The following GULP1 variants were observed in gnomAD, a reference collection of about 807,000 sequenced individuals.
GULP1 encodes PTB domain-containing engulfment adapter protein 1.
GULP1 carries 19 observed loss-of-function variants against 40.9 expected under a neutral mutation model. The ratio of observed to expected loss-of-function variants is 0.46; its 90% CI spans 0.32 to 0.68. GULP1 has a LOEUF of 0.68. Ranked by LOEUF, GULP1 falls within the 30% of genes least tolerant of loss-of-function variation. The probability of loss-of-function intolerance (pLI) is 0.03; values close to 1 mark genes in which losing one functional copy is unlikely to be tolerated. For synonymous variants in GULP1, 119 were observed against 117.6 expected (o/e 1.01, Z -0.08); for missense variants, 312 against 362.2 (o/e 0.86, Z 1.12).
chr2:188,495,848 A>G (rs919632155), intron 4 of GULP1, among the ~76,000 whole-genome samples: 18 of 152,166 alleles, frequency 1.2e-4, no homozygotes, highest in South Asian at 2.1e-4. Context: ...ATTACACGGA[A>G]AAAAAAGCTT....
chr2:188,307,363 T>C (rs2037274948), intron 1 of GULP1, among the ~76,000 whole-genome samples: 1 of 152,150 alleles, frequency 6.6e-6, no homozygotes, highest in African/African-American at 2.4e-5. Context: ...TAAAAAGTTA[T>C]ATGTTTTCAG....
At chr2:188,496,385 A>C (rs1424532812) in intron 4 of GULP1, among the ~76,000 whole-genome samples, 1 of 151,986 alleles carries the variant, frequency 6.6e-6, no homozygotes, top group Non-Finnish European at 1.5e-5. Flanking sequence ...GCTCACACAA[A>C]CATTTGGCGA....
At chr2:188,397,415 T>C (rs1378915967) in intron 2 of GULP1, among the ~76,000 whole-genome samples, 1 of 152,214 alleles carries the variant, frequency 6.6e-6, no homozygotes, top group Non-Finnish European at 1.5e-5. Context: ...TGTGGGCTTG[T>C]CTACTATACC....
At chr2:188,526,606 A>G (rs1686216167) in intron 5 of GULP1, among the ~76,000 whole-genome samples, 1 of 152,092 alleles carries the variant, frequency 6.6e-6, no homozygotes, top group African/African-American at 2.4e-5. Flanking sequence ...AGGAAAAAAA[A>G]GAAAGGCAGG....
At chr2:188,305,739 A>G (rs13000379) in intron 1 of GULP1, among the ~76,000 whole-genome samples, 16,685 of 152,202 alleles carry the variant, frequency 0.11, 1,199 homozygotes, top group Middle Eastern at 0.17. Context: ...GGATAGTTAA[A>G]ATGTTAGGTG....
intron 5 of GULP1, among the ~76,000 whole-genome samples, chr2:188,523,535 A>G (rs1475074536): frequency 2.9e-5 from 4 of 138,616 alleles, no homozygotes; most frequent in African/African-American, 1.1e-4. Context: ...TTTATCATAT[A>G]AGAAAATACA....
At chr2:188,313,738 A>G (rs1387901962) in intron 1 of GULP1, among the ~76,000 whole-genome samples, 1 of 152,146 alleles carries the variant, frequency 6.6e-6, no homozygotes, top group Non-Finnish European at 1.5e-5. Flanking sequence ...GATTTTTCCT[A>G]TCCATGAGGA....
At chr2:188,514,928 T>G (rs1480781115) in intron 4 of GULP1, among the ~76,000 whole-genome samples, 1 of 152,224 alleles carries the variant, frequency 6.6e-6, no homozygotes, top group Non-Finnish European at 1.5e-5. Flanking sequence ...GGTATAGATG[T>G]ACCATTGTTT....
At chr2:188,539,019 A>G (rs1359522928) in intron 6 of GULP1, among the ~76,000 whole-genome samples, 3 of 152,032 alleles carry the variant, frequency 2.0e-5, no homozygotes, top group African/African-American at 7.2e-5. Flanking sequence ...TGGATGAATG[A>G]AAATGGAAAG....
At chr2:188,502,055 T>C (rs73042418) in intron 4 of GULP1, among the ~76,000 whole-genome samples, 3,272 of 152,046 alleles carry the variant, frequency 0.022, 108 homozygotes, top group African/African-American at 0.074. Context: ...TTGTTAATGA[T>C]TTGTACTGAC....
intron 7 of GULP1, among the ~76,000 whole-genome samples, chr2:188,558,757 T>C (rs141417332): frequency 1.6e-4 from 25 of 152,274 alleles, no homozygotes; most frequent in Non-Finnish European, 2.8e-4. Flanking sequence ...GAGGAACTTA[T>C]TGGGAACTGA....
At chr2:188,453,934 A>G (rs1226306233) in intron 2 of GULP1, among the ~76,000 whole-genome samples, 1 of 151,884 alleles carries the variant, frequency 6.6e-6, no homozygotes. Context: ...TTTCCACTGC[A>G]CTCTTGGCTC....
At chr2:188,334,070 A>C (rs181190733) in intron 1 of GULP1, among the ~76,000 whole-genome samples, 26 of 152,230 alleles carry the variant, frequency 1.7e-4, no homozygotes, top group Admixed American at 1.7e-3. Flanking sequence ...TGCCCTTTTT[A>C]AATGTTCTTC....
chr2:188,566,794 CAAAAAAA>C (rs11350294), intron 7 of GULP1, among the ~76,000 whole-genome samples: 33 of 26,914 alleles, frequency 1.2e-3, no homozygotes, highest in East Asian at 7.3e-3. Flanking sequence ...GACTCCATCT[CAAAAAAA>C]AAAAAAAAAA....
At chr2:188,477,775 G>T (rs1230218600) in intron 3 of GULP1, 45 bp downstream of exon 3, 1 of 1,427,694 alleles carries the variant, frequency 7.0e-7, no homozygotes, top group South Asian at 1.2e-5. Context: ...AGCCAATGTT[G>T]CTATGAACAT....
chr2:188,528,121 A>C (rs544460589), intron 5 of GULP1, among the ~76,000 whole-genome samples: 1 of 152,280 alleles, frequency 6.6e-6, no homozygotes, highest in East Asian at 1.9e-4. Context: ...AGAGGAGAGA[A>C]GGAATGTAGG....
chr2:188,465,298 A>G (rs1170622369), intron 2 of GULP1, among the ~76,000 whole-genome samples: 1 of 151,982 alleles, frequency 6.6e-6, no homozygotes, highest in Non-Finnish European at 1.5e-5. Flanking sequence ...GTTTCTAGAA[A>G]TGTCATCAGG....
chr2:188,541,157 G>A (rs1559359331), intron 6 of GULP1, 24 bp from the exon 7 acceptor site: 6 of 1,602,504 alleles, frequency 3.7e-6, no homozygotes, highest in Middle Eastern at 1.7e-4. Context: ...CATCAACTAT[G>A]TTTATTTCCA....
chr2:188,456,670 CA>C (rs1255428222), intron 2 of GULP1, among the ~76,000 whole-genome samples: 1 of 152,172 alleles, frequency 6.6e-6, no homozygotes, highest in Non-Finnish European at 1.5e-5. Context: ...TGAGAGTTCC[CA>C]CACAGAGTCC....
Sources: gnomAD v4.1 joint callset for allele counts (sites outside exome capture counted in the v4.1 genomes callset) on GRCh38, gnomAD v4.1.1 for gene constraint, MANE v1.5 for transcripts, NCBI Gene and HGNC (gene_info 2026-07-23, HGNC 2026-07-21) for gene names.